The following DYRK4 variants were observed in gnomAD, a reference collection of about 807,000 sequenced individuals.
The protein encoded by DYRK4 is dual specificity tyrosine phosphorylation regulated kinase 4, also known as dual specificity tyrosine-phosphorylation-regulated kinase 4.
DYRK4 carries 64 observed loss-of-function variants against 68.3 expected under a neutral mutation model. That is an observed-to-expected ratio of 0.94 (90% CI 0.77 to 1.15). The LOEUF is 1.15. Among genes scored for constraint, DYRK4 ranks in the 50% most tolerant of loss-of-function variants. The pLI is 0.00. For missense variants in DYRK4, 740 were observed against 764.7 expected (o/e 0.97, Z 0.38); for synonymous variants, 274 against 289.9 (o/e 0.95, Z 0.56).
intron 2 of DYRK4, among the ~76,000 whole-genome samples, chr12:4,586,348 C>G (rs944378732): frequency 6.6e-6 from 1 of 152,154 alleles, no homozygotes; most frequent in Non-Finnish European, 1.5e-5. Context: ...ATAGGAGATT[C>G]TAGATTTAGA....
At chr12:4,607,440 T>C in intron 12 of DYRK4, 53 bp downstream of exon 12, 1 of 1,578,832 alleles carries the variant, frequency 6.3e-7, no homozygotes, top group Non-Finnish European at 8.7e-7. Flanking sequence ...ACACCTGCCA[T>C]ACCTTAAGGC....
rs1182695267 is a variant in DYRK4 at position 4,612,638 on chromosome 12, C to A, written c.1586C>A (p.Thr529Asn). The A allele has an allele frequency of 6.2e-7, 1 of 1,614,044 alleles. No individual in the cohort carries two copies. The highest frequency in any genetic ancestry group is 2.2e-5 in the East Asian group (1 of 44,892). ...RNLKPQPRPQ[T>N]LRKSNSFFPS... ...CTCAAGCCACAGCCCAGGCCCCAGA[C>A]CCTGAGGAAATCCAATTCCTTTTTC... The change falls in exon 14 of 15, where the codon ACC becomes AAC. Residue 529 changes from threonine (T) to asparagine (N), a missense_variant. Thr to Asn is a moderately conservative substitution (Grantham distance 65). Around this residue, in one of 3 missense-constraint regions of DYRK4, gnomAD observed 614 missense variants for 603.7 expected, o/e 1.02. Transcript: ENST00000543431.
In DYRK4 at chr12:4,575,300, TG is replaced by T. The variant is rs1382099070; in HGVS notation, c.132+7253del. Among the ~76,000 whole-genome samples the T allele has an allele frequency of 6.8e-3, 856 of 125,610 alleles. 5 individuals are homozygous for T. The highest frequency in any genetic ancestry group is 8.2e-3 in the Non-Finnish European group (501 of 60,766). 82.4% of individuals were successfully genotyped at this position (125,610 alleles called of 152,430 possible). On this transcript the variant is annotated intron_variant, in intron 2 of 14. Coordinates refer to ENST00000543431, the MANE Select transcript of DYRK4 (RefSeq NM_001394779.1). ...TGCCAATTTACTAACAATAACTTAC[TG>T]TGTGTGTGTGTGTGTGTGTGTTTTC...
intron 2 of DYRK4, among the ~76,000 whole-genome samples, chr12:4,574,831 C>T (rs951324176): frequency 6.6e-6 from 1 of 152,174 alleles, no homozygotes; most frequent in Non-Finnish European, 1.5e-5. Context: ...GATTCTTGTG[C>T]CTCAGCCTCC....
Position 4,607,326 on chromosome 12 carries a change from G to C in DYRK4, c.1300-1G>C, listed in dbSNP as rs748245896. 1.9e-6 allele frequency: 3 copies of C among 1,614,114 alleles called. No individual in the cohort carries two copies. The African/African-American group carries it at 4.0e-5, about 22-fold the overall frequency. ...GAACCAATTGAATTATCCTTATTAA[G>C]GTGCTGGGTCTGCCGCCAGCCGGCT... On this transcript the variant is annotated splice_acceptor_variant, in intron 11 of 14. Transcript: ENST00000543431. LOFTEE classifies it high-confidence loss of function.
intron 10 of DYRK4, chr12:4,603,441 A>G (rs761386921): frequency 3.2e-5 from 12 of 374,872 alleles, no homozygotes; most frequent in Non-Finnish European, 5.5e-5. Context: ...CCCACCATTA[A>G]TATTTCTACT....
chr12:4,607,296 A>G, intron 11 of DYRK4, 31 bp from the exon 12 acceptor site: 4 of 1,614,086 alleles, frequency 2.5e-6, no homozygotes, highest in Non-Finnish European at 3.4e-6. Context: ...GCTCCCACAA[A>G]GAATGAACCA....
intron 2 of DYRK4, among the ~76,000 whole-genome samples, chr12:4,575,894 A>G (rs114323619): frequency 0.016 from 2,498 of 152,282 alleles, 79 homozygotes; most frequent in African/African-American, 0.057. Flanking sequence ...GAGCAGTTTT[A>G]GGTTCCCAGA....
intron 10 of DYRK4, among the ~76,000 whole-genome samples, chr12:4,601,727 A>G (rs1945082379): frequency 1.3e-5 from 2 of 152,114 alleles, no homozygotes; most frequent in African/African-American, 4.8e-5. Flanking sequence ...TCTTTTTTTT[A>G]GTAAGGATAT....
At chr12:4,590,829 C>A (rs1260137409) in intron 4 of DYRK4, 3 of 421,616 alleles carry the variant, frequency 7.1e-6, no homozygotes, top group African/African-American at 6.0e-5. Context: ...CCATGTGCTC[C>A]TGGGCAAGTC....
chr12:4,595,822 C>A (rs1375391426), intron 6 of DYRK4, among the ~76,000 whole-genome samples: 1 of 152,132 alleles, frequency 6.6e-6, no homozygotes, highest in Admixed American at 6.5e-5. Context: ...CTAAAACATG[C>A]AGAAAACTAG....
rs568944290 is a variant in DYRK4, at chr12:4,569,077, C to T, written c.132+1029C>T. ...ACTTAAAATTATGACTTTAGGTTTC[C>T]TCTTCCAAGCGCTGTTCCTGATTTA... is the stretch of plus-strand genomic sequence containing the variant. On this transcript the variant is annotated intron_variant, in intron 2 of 14. Coordinates refer to ENST00000543431, the MANE Select transcript of DYRK4 (RefSeq NM_001394779.1). Among the ~76,000 whole-genome samples the T allele has an allele frequency of 5.3e-5, 8 of 152,262 alleles. No individual in the cohort carries two copies. The South Asian group carries it at 1.7e-3, about 32-fold the overall frequency.
At chr12:4,598,415 T>G (rs1565539922) in intron 8 of DYRK4, among the ~76,000 whole-genome samples, 1 of 152,348 alleles carries the variant, frequency 6.6e-6, no homozygotes, top group African/African-American at 2.4e-5. Context: ...TGCATTGTAT[T>G]AATATTAGTT....
At chr12:4,576,052 T>G (rs1311704629) in intron 2 of DYRK4, among the ~76,000 whole-genome samples, 2 of 152,230 alleles carry the variant, frequency 1.3e-5, no homozygotes, top group African/African-American at 4.8e-5. Context: ...TAGTTTACAT[T>G]AGAGTTCCTC....
At chr12:4,598,986 T>A (rs775844967) in intron 8 of DYRK4, 42 bp from the exon 9 acceptor site, 2 of 1,608,050 alleles carry the variant, frequency 1.2e-6, no homozygotes, top group Non-Finnish European at 8.5e-7. Flanking sequence ...GCCTTATATG[T>A]TTTTTTACAC....
At chr12:4,603,972 C>A (rs1298344811) in intron 10 of DYRK4, among the ~76,000 whole-genome samples, 2 of 152,140 alleles carry the variant, frequency 1.3e-5, no homozygotes, top group Non-Finnish European at 2.9e-5. Context: ...ATTAAACTGC[C>A]TACTCTCAAA....
chr12:4,562,215 C>T lies in DYRK4; in HGVS notation c.-31C>T. 2 of 1,524,598 alleles carry T rather than the reference C, an allele frequency of 1.3e-6. No homozygotes were observed. The highest frequency in any genetic ancestry group is 1.8e-6 in the Non-Finnish European group (2 of 1,141,432). The allele number at this position is 1,524,598 out of a possible 1,614,324, so 94.4% of individuals were successfully genotyped here. On this transcript the variant is annotated 5_prime_UTR_variant, in exon 1 of 15. Transcript: ENST00000543431. ...GCCCTCTGCCGGGCTCTCACAGCCT[C>T]CCGCAGCGGCGGGCGGTCAGCGCCG...
intron 2 of DYRK4, among the ~76,000 whole-genome samples, chr12:4,579,209 G>A (rs975667453): frequency 2.7e-4 from 41 of 152,104 alleles, no homozygotes; most frequent in African/African-American, 9.9e-4. Flanking sequence ...GGGAGGCGGA[G>A]GTTGCAGTGA....
At position 4,590,333 on chromosome 12, in the gene DYRK4, A is replaced by T. The variant is rs1944939936; in HGVS notation, c.217A>T (p.Thr73Ser). ...CATGCAATTTCTCCTTCTACAGAAC[A>T]CCAGTGTTACTTCACTCCCCTTTGT... ...SRMTQVFHKN[T>S]SVTSLPFVDT... The change falls in exon 4 of 15, where the codon ACC becomes TCC. Residue 73 changes from threonine to serine, a missense_variant. Around this residue, in one of 3 missense-constraint regions of DYRK4, gnomAD observed 56 missense variants for 89.9 expected, o/e 0.62. Coordinates refer to ENST00000543431, the MANE Select transcript of DYRK4 (RefSeq NM_001394779.1). The T allele has an allele frequency of 6.5e-7, 1 of 1,534,500 alleles. No homozygotes were observed. Among genetic ancestry groups the T allele is most frequent in the Non-Finnish European group, 8.7e-7 (1 of 1,146,364 alleles).
Sources: allele counts gnomAD v4.1 joint callset (sites outside exome capture counted in the v4.1 genomes callset), GRCh38; gene constraint gnomAD v4.1.1; regional missense constraint gnomAD v4.1.1; transcripts MANE v1.5; gene names NCBI Gene and HGNC (gene_info 2026-07-23, HGNC 2026-07-21).